The following NRG1 variants were observed in gnomAD, a reference collection of about 807,000 sequenced individuals.
The protein encoded by NRG1 is pro-neuregulin-1, membrane-bound isoform.
Under a neutral mutation model 63.8 loss-of-function variants are expected in NRG1, and 18 were observed. The observed-to-expected ratio is 0.28, with a 90% CI of 0.19 to 0.42. NRG1 has a LOEUF of 0.42. Ranked by LOEUF, NRG1 falls within the 10% of genes least tolerant of loss-of-function variation. The pLI is 1.00. For missense variants in NRG1, 762 were observed against 814.7 expected, an observed-to-expected ratio of 0.94 and a Z score of 0.79; for synonymous variants, 302 against 301.3, an observed-to-expected ratio of 1.00 and a Z score of -0.02.
intron 5 of NRG1, among the ~76,000 whole-genome samples, chr8:32,632,404 C>G (rs1043826407): frequency 7.2e-5 from 11 of 152,018 alleles, no homozygotes; most frequent in Non-Finnish European, 1.6e-4. Context: ...ACAAAATTAG[C>G]CGGGCGTGGT....
chr8:32,468,993 C>A (rs1325035786), intron 1 of NRG1, among the ~76,000 whole-genome samples: 2 of 152,148 alleles, frequency 1.3e-5, no homozygotes, highest in Admixed American at 1.3e-4. Context: ...TATCCTTCCA[C>A]TAGCACAGCA....
At chr8:32,350,533 C>T (rs1019262717) in intron 1 of NRG1, among the ~76,000 whole-genome samples, 1 of 152,142 alleles carries the variant, frequency 6.6e-6, no homozygotes, top group African/African-American at 2.4e-5. Context: ...ATTTCTCTAA[C>T]AGACTGAAAG....
intron 5 of NRG1, among the ~76,000 whole-genome samples, chr8:32,674,968 T>C (rs1806672153): frequency 6.6e-6 from 1 of 152,142 alleles, no homozygotes; most frequent in Admixed American, 6.6e-5. Flanking sequence ...GTGAGAGTAG[T>C]TGGCTTTTGT....
chr8:32,308,151 T>A (rs911989909), intron 1 of NRG1, among the ~76,000 whole-genome samples: 1 of 152,218 alleles, frequency 6.6e-6, no homozygotes, highest in Admixed American at 6.5e-5. Context: ...CATTTCTAAC[T>A]AGGAAACTTG....
At chr8:32,258,029 G>T (rs1849928475) in intron 1 of NRG1, among the ~76,000 whole-genome samples, 1 of 152,112 alleles carries the variant, frequency 6.6e-6, no homozygotes. Flanking sequence ...CCCAGTTTAT[G>T]GTTTCCAATA....
In NRG1 at chr8:32,217,354, C is replaced by G. The variant is rs149378268; in HGVS notation, c.38-378474C>G. Among the ~76,000 whole-genome samples, 88 of 152,026 alleles carry G rather than the reference C, an allele frequency of 5.8e-4. No individual in the cohort carries two copies. The East Asian group carries it at 0.016, about 28-fold the overall frequency. On this transcript the variant is annotated intron_variant, in intron 1 of 10. Transcript: ENST00000519301. ...GAAAGTCTAGTGCCCAGCCAAAGGC[C>G]ATGGGAGTGATGAGTGACCCTGCCC...
At chr8:32,771,126 T>A (rs1315430977), downstream of NRG1, among the ~76,000 whole-genome samples, 4 of 152,128 alleles carry the variant, frequency 2.6e-5, no homozygotes, top group African/African-American at 9.7e-5. Context: ...GGTTTTGTTT[T>A]CTGAGACAGG....
intron 1 of NRG1, among the ~76,000 whole-genome samples, chr8:32,230,398 C>T (rs538597262): frequency 6.6e-6 from 1 of 152,302 alleles, no homozygotes; most frequent in East Asian, 1.9e-4. Flanking sequence ...CCTTTGCTCT[C>T]TTCCTGCCAC....
At chr8:32,260,721 T>C (rs1563243950) in intron 1 of NRG1, among the ~76,000 whole-genome samples, 1 of 152,198 alleles carries the variant, frequency 6.6e-6, no homozygotes, top group South Asian at 2.1e-4. Flanking sequence ...TAGAGTAGGA[T>C]GGCTAGCAAA....
chr8:31,870,338 A>G (rs554055898), intron 1 of NRG1, among the ~76,000 whole-genome samples: 4 of 152,358 alleles, frequency 2.6e-5, no homozygotes, highest in African/African-American at 4.8e-5. Context: ...GTGTGATAAC[A>G]TAGATGGCTT....
intron 1 of NRG1, among the ~76,000 whole-genome samples, chr8:31,786,494 G>A (rs984792225): frequency 4.6e-5 from 7 of 152,154 alleles, no homozygotes; most frequent in African/African-American, 1.4e-4. Flanking sequence ...TGGAGATACA[G>A]TCAGATCCCT....
chr8:32,539,568 G>C (rs893029062), intron 1 of NRG1, among the ~76,000 whole-genome samples: 1 of 152,154 alleles, frequency 6.6e-6, no homozygotes, highest in South Asian at 2.1e-4. Flanking sequence ...GCGGGGAAGA[G>C]ATGGAGATTA....
At chr8:31,819,667 A>G (rs537945592) in intron 1 of NRG1, among the ~76,000 whole-genome samples, 4 of 152,268 alleles carry the variant, frequency 2.6e-5, no homozygotes, top group Admixed American at 6.5e-5. Context: ...TCAATAGCCA[A>G]TTTCCCTCCT....
chr8:32,717,327 T>A lies in NRG1; in HGVS notation c.503-10622T>A, dbSNP rs564426589. On this transcript the variant is annotated intron_variant, in intron 5 of 11. Transcript: ENST00000356819. The stretch of plus-strand genomic sequence containing the variant: ...GAAACTGGTTTTATTCCTGTTCAGA[T>A]TGGTCATGAGTGAAATGACGTAGAG... 3.3e-5 allele frequency among the ~76,000 whole-genome samples: 5 copies of A among 152,332 alleles called. No homozygotes were observed. In the East Asian group the frequency reaches 9.6e-4, roughly 29 times the overall value.
chr8:32,010,150 A>G (rs1203361358), intron 1 of NRG1, among the ~76,000 whole-genome samples: 2 of 152,036 alleles, frequency 1.3e-5, no homozygotes, highest in Non-Finnish European at 2.9e-5. Context: ...ATTCTTAATT[A>G]CTTCATACCC....
chr8:32,175,279 CAACT>C (rs1840577220), intron 1 of NRG1, among the ~76,000 whole-genome samples: 4 of 151,288 alleles, frequency 2.6e-5, no homozygotes, highest in African/African-American at 9.7e-5. Context: ...CAAAATTCAA[CAACT>C]CTTCATGCTA....
intron 1 of NRG1, among the ~76,000 whole-genome samples, chr8:31,797,387 A>G (rs946452027): frequency 6.6e-6 from 1 of 152,166 alleles, no homozygotes; most frequent in East Asian, 1.9e-4. Flanking sequence ...TTGTGAGAAT[A>G]TGTGGTCTCA....
At chr8:32,680,913 A>T (rs930219571) in intron 5 of NRG1, among the ~76,000 whole-genome samples, 5 of 152,160 alleles carry the variant, frequency 3.3e-5, no homozygotes, top group Admixed American at 2.6e-4. Context: ...ACAATAAAAT[A>T]CATGATACCA....
intron 1 of NRG1, among the ~76,000 whole-genome samples, chr8:31,894,241 G>A (rs1336202467): frequency 2.0e-5 from 3 of 152,120 alleles, no homozygotes; most frequent in Non-Finnish European, 4.4e-5. Flanking sequence ...AATTCCTTCT[G>A]AATATAACCA....
Sources: allele counts gnomAD v4.1 joint callset (sites outside exome capture counted in the v4.1 genomes callset), GRCh38; gene constraint gnomAD v4.1.1; transcripts MANE v1.5; gene names NCBI Gene and HGNC (gene_info 2026-07-23, HGNC 2026-07-21).